The following CP variants were observed in gnomAD, a reference collection of about 807,000 sequenced individuals.
The protein encoded by CP is caeruloplasmin.
In CP, 64 loss-of-function variants were observed where a neutral mutation model predicts 122.4. The observed-to-expected ratio is 0.52, with a 90% confidence interval of 0.43 to 0.64. The LOEUF (loss-of-function observed/expected upper bound fraction) is 0.64, where lower values mean the gene tolerates loss of function less well. Among genes scored for constraint, CP ranks in the 30% least tolerant of loss-of-function variants. CP has a pLI of 0.00. For missense variants in CP, 1,167 were observed against 1,284.4 expected (o/e 0.91, Z 1.40); for synonymous variants, 440 against 436.4 (o/e 1.01, Z -0.10).
chr3:149,186,836 AC>A, intron 10 of CP, 104 bp from the exon 11 acceptor site: 1 of 1,041,280 alleles, frequency 9.6e-7, no homozygotes, highest in South Asian at 1.3e-5. Flanking sequence ...TTTTTAAAAG[AC>A]CTATTCAGGC....
intron 3 of CP, among the ~76,000 whole-genome samples, 193 bp downstream of exon 3, chr3:149,209,974 G>T (rs1305655681): frequency 2.0e-5 from 3 of 152,040 alleles, no homozygotes; most frequent in Non-Finnish European, 4.4e-5. Context: ...CATTTTCCCC[G>T]TAGGAATGCT....
At chr3:149,183,628 G>T (rs1189821649) in intron 12 of CP, 23 bp from the exon 13 acceptor site, 2 of 1,464,760 alleles carry the variant, frequency 1.4e-6, no homozygotes, top group Admixed American at 1.8e-5. Flanking sequence ...AACAACTAAG[G>T]TTAGTATTTG....
At position 149,210,166 on chromosome 3, in the gene CP, C is replaced by A; in HGVS notation, c.607+1G>T. On this transcript the variant is annotated splice_donor_variant, in intron 3 of 18. Coordinates refer to ENST00000264613, the MANE Select transcript of CP (RefSeq NM_000096.4). LOFTEE classifies it high-confidence loss of function. The stretch of plus-strand genomic sequence containing the variant: ...GCATGTGCAATAAGGAGAAGATGTA[C>A]CTTTTTTACAGATTATTAAAGGTCC... The A allele has an allele frequency of 6.2e-7, 1 of 1,613,784 alleles. No individual in the cohort carries two copies. The highest frequency in any genetic ancestry group is 2.2e-5 in the East Asian group (1 of 44,856).
At chr3:149,180,994 A>G (rs1026733080) in intron 14 of CP, among the ~76,000 whole-genome samples, 4 of 149,856 alleles carry the variant, frequency 2.7e-5, no homozygotes, top group Admixed American at 6.6e-5. Flanking sequence ...CTTCCACCAT[A>G]TTCCAAATCT....
exon 6 of CP, chr3:149,162,814 A>G (rs1326857116): frequency 1.2e-6 from 2 of 1,614,102 alleles, no homozygotes; most frequent in East Asian, 2.2e-5. Context: ...ACATCACAGT[A>G]CATCTGGAGA....
chr3:149,182,996 C>A (rs1725885173), intron 13 of CP, among the ~76,000 whole-genome samples: 1 of 151,908 alleles, frequency 6.6e-6, no homozygotes, highest in Non-Finnish European at 1.5e-5. Flanking sequence ...ACTAAAAATA[C>A]AAAAATTAGC....
chr3:149,172,787 TC>T lies in CP; in HGVS notation c.*926del. The T allele has an allele frequency of 6.5e-6, 1 of 152,900 alleles. No homozygotes were observed. Among genetic ancestry groups the T allele is most frequent in the South Asian group, 2.1e-4 (1 of 4,836 alleles). 9.5% of individuals were successfully genotyped at this position (152,900 alleles called of 1,614,324 possible). On this transcript the variant is annotated 3_prime_UTR_variant, in exon 19 of 19. Transcript: ENST00000264613. ...AAAACTCATGCTCTGTTTCTCTGAA[TC>T]AAATGAAGTAGAAGTTTACAAAGCT...
rs562229664 is a variant in CP at position 149,192,454 on chromosome 3, A to G, written c.1714-4252T>C. Reference sequence around the variant, plus strand: ...ACTGTAGATGAATATTTACTTACCTATAGAATAGAAAATAATTTTCTAAGT... The same window carrying G: ...ACTGTAGATGAATATTTACTTACCTGTAGAATAGAAAATAATTTTCTAAGT... On this transcript the variant is annotated intron_variant, in intron 9 of 18. Transcript: ENST00000264613. 4.0e-5 allele frequency among the ~76,000 whole-genome samples: 6 copies of G among 151,758 alleles called. No homozygotes were observed. The East Asian group carries it at 7.7e-4, about 20-fold the overall frequency.
chr3:149,204,002 C>T (rs1218658847), intron 6 of CP, among the ~76,000 whole-genome samples: 1 of 152,136 alleles, frequency 6.6e-6, no homozygotes, highest in African/African-American at 2.4e-5. Flanking sequence ...GTGTGTAGCG[C>T]AGAGACTAGG....
chr3:149,169,240 T>A (rs1279709629), downstream of CP, among the ~76,000 whole-genome samples: 1 of 152,184 alleles, frequency 6.6e-6, no homozygotes, highest in African/African-American at 2.4e-5. Context: ...TGAAGAACTT[T>A]AGGTTCGTTT....
At chr3:149,201,363 C>T (rs1053343469) in intron 7 of CP, among the ~76,000 whole-genome samples, 9 of 151,576 alleles carry the variant, frequency 5.9e-5, no homozygotes, top group East Asian at 3.9e-4. Context: ...CCTCGTGATC[C>T]GCCCGCCTCG....
rs993206755 is a variant in CP at position 149,212,632 on chromosome 3, A to T, written c.213T>A (p.Leu71=). ...AGGTTTCATCTGTGTACTGAAGATA[A>T]AGGGCCTTCTTATATAGTCTCCCAA... ...DRIGRLYKKA[L]YLQYTDETFR... The change falls in exon 2 of 19, where the codon CTT becomes CTA. Residue 71 remains leucine (L), a synonymous_variant. Transcript: ENST00000264613. The T allele has an allele frequency of 3.1e-6, 5 of 1,613,994 alleles. No homozygotes were observed. The highest frequency in any genetic ancestry group is 4.2e-6 in the Non-Finnish European group (5 of 1,179,948).
At chr3:149,172,273 A>T (rs1418310309), downstream of CP, 1 of 1,522,278 alleles carries the variant, frequency 6.6e-7, no homozygotes, top group Non-Finnish European at 9.0e-7. Context: ...AATTTCTAAA[A>T]ATTGAATGCC....
At chr3:149,162,715 C>A (rs1723998285) in exon 6 of CP, 1 of 1,613,970 alleles carries the variant, frequency 6.2e-7, no homozygotes, top group Non-Finnish European at 8.5e-7. Flanking sequence ...GATGAAGATA[C>A]AATTCCTCAG....
chr3:149,212,992 C>A (rs1194067023), intron 1 of CP, among the ~76,000 whole-genome samples: 1 of 152,102 alleles, frequency 6.6e-6, no homozygotes, highest in Non-Finnish European at 1.5e-5. Flanking sequence ...TATTAAGACA[C>A]AGGCATATTA....
chr3:149,179,127 C>T (rs576988094), intron 15 of CP, among the ~76,000 whole-genome samples: 9 of 152,294 alleles, frequency 5.9e-5, no homozygotes, highest in Non-Finnish European at 8.8e-5. Flanking sequence ...TATCTATAAC[C>T]GACTCCATTT....
chr3:149,209,960 T>C (rs920897890), intron 3 of CP, among the ~76,000 whole-genome samples: 3 of 152,278 alleles, frequency 2.0e-5, no homozygotes, highest in Middle Eastern at 3.4e-3. Flanking sequence ...ATTACCTTCA[T>C]TGGCATTTTC....
chr3:149,200,161 C>T lies in CP; in HGVS notation c.1349-297G>A, dbSNP rs1162662942. The T allele has an allele frequency of 1.8e-5, 7 of 394,188 alleles. No individual in the cohort carries two copies. In the Admixed American group the frequency reaches 2.6e-4, roughly 15 times the overall value. The allele number at this position is 394,188 out of a possible 1,614,324, so 24.4% of individuals were successfully genotyped here. The stretch of plus-strand genomic sequence containing the variant: ...AAAACTATTCAGAATGTTGAGACTC[C>T]TCAGCCTAATCTTCTGTTGGCTGGA... On this transcript the variant is annotated intron_variant, in intron 7 of 18. Coordinates refer to ENST00000264613, the MANE Select transcript of CP (RefSeq NM_000096.4).
downstream of CP, among the ~76,000 whole-genome samples, chr3:149,167,621 T>C (rs1035227876): frequency 3.3e-5 from 5 of 152,330 alleles, no homozygotes; most frequent in South Asian, 1.0e-3. Flanking sequence ...TAGGAGATGA[T>C]AACGGGATAT....
Sources: allele counts gnomAD v4.1 joint callset (sites outside exome capture counted in the v4.1 genomes callset), GRCh38; gene constraint gnomAD v4.1.1; transcripts MANE v1.5; gene names NCBI Gene and HGNC (gene_info 2026-07-23, HGNC 2026-07-21).